RYR3: variants seen among roughly 807,000 people sequenced by gnomAD.
RYR3 encodes the protein ryanodine receptor 3.
Under a neutral mutation model 584.3 loss-of-function variants are expected in RYR3, and 207 were observed. The observed-to-expected ratio is 0.35, with a 90% confidence interval of 0.32 to 0.40. The LOEUF (loss-of-function observed/expected upper bound fraction) is 0.40. Ranked by LOEUF, RYR3 falls within the 10% of genes least tolerant of loss-of-function variation. RYR3 has a pLI of 1.00. For missense variants in RYR3, 5,616 were observed against 6,089.2 expected (o/e 0.92, Z 2.59); for synonymous variants, 2,416 against 2,248.5 (o/e 1.07, Z -2.11).
chr15:33,648,385 A>G (rs1595966907), intron 30 of RYR3, among the ~76,000 whole-genome samples: 2 of 152,324 alleles, frequency 1.3e-5, no homozygotes, highest in East Asian at 1.9e-4. Flanking sequence ...GAATCTGCTC[A>G]GTTTCATAAG....
rs182429820 is a variant in RYR3, at chr15:33,624,026, A to G, written c.2574+3A>G. ...CATGCCCCGTAGACACCAGTCAGGT[A>G]GGTTCAAATTGCCCGCAGAAGGCAA... On this transcript the variant is annotated splice_donor_region_variant and intron_variant, in intron 20 of 103. Transcript: ENST00000634891. 3 of 1,610,376 alleles carry G rather than the reference A, an allele frequency of 1.9e-6. No homozygotes were observed. Among genetic ancestry groups the G allele is most frequent in the African/African-American group, 1.3e-5 (1 of 74,818 alleles).
intron 1 of RYR3, among the ~76,000 whole-genome samples, chr15:33,389,864 C>G (rs894198098): frequency 1.3e-5 from 2 of 152,186 alleles, no homozygotes; most frequent in Non-Finnish European, 2.9e-5. Context: ...GCAGCTATTT[C>G]ACCTTTCAGT....
chr15:33,819,136 C>T (rs989505452), intron 76 of RYR3, among the ~76,000 whole-genome samples: 2 of 151,870 alleles, frequency 1.3e-5, no homozygotes, highest in African/African-American at 4.8e-5. Flanking sequence ...GAAAAAAAGA[C>T]ATGTCTAGGG....
chr15:33,838,893 G>C lies in RYR3; in HGVS notation c.12913G>C (p.Glu4305Gln), dbSNP rs1481282194. The C allele has an allele frequency of 3.1e-6, 5 of 1,613,962 alleles. No homozygotes were observed. Among genetic ancestry groups the C allele is most frequent in the Non-Finnish European group, 4.2e-6 (5 of 1,179,868 alleles). Reference sequence around the variant, plus strand: ...TGAAGTGGGTTTGGGTGACCTCTCAGAAATTATTGGCAAGGATGAACCCCC... The same window carrying C: ...TGAAGTGGGTTTGGGTGACCTCTCACAAATTATTGGCAAGGATGAACCCCC... ...GPEVGLGDLS[E>Q]IIGKDEPPTL... is the part of the protein sequence containing the mutation. Residue 4305 changes from glutamate (E) to glutamine (Q), a missense_variant, in exon 89 of 104, where the codon GAA (glutamate) becomes CAA (glutamine). Glu to Gln is a conservative substitution (Grantham distance 29). This residue lies in a region of RYR3 where 918 missense variants were observed against 887.4 expected (regional missense o/e 1.03). Transcript: ENST00000634891.
At chr15:33,753,668 C>A (rs1489839545) in intron 57 of RYR3, among the ~76,000 whole-genome samples, 1 of 152,064 alleles carries the variant, frequency 6.6e-6, no homozygotes, top group Non-Finnish European at 1.5e-5. Flanking sequence ...AAAATCTGTA[C>A]AAACATTTCT....
intron 16 of RYR3, among the ~76,000 whole-genome samples, chr15:33,589,839 G>A (rs1404247679): frequency 6.6e-6 from 1 of 152,168 alleles, no homozygotes; most frequent in Non-Finnish European, 1.5e-5. Flanking sequence ...TTTTATACCA[G>A]TACCATGCTA....
chr15:33,622,231 G>A (rs778316353), intron 19 of RYR3, among the ~76,000 whole-genome samples: 3 of 152,166 alleles, frequency 2.0e-5, no homozygotes, highest in African/African-American at 4.8e-5. Context: ...CATAGACCCT[G>A]CCTGATACAG....
intron 38 of RYR3, among the ~76,000 whole-genome samples, chr15:33,684,258 G>A (rs1255439398): frequency 2.0e-5 from 3 of 152,174 alleles, no homozygotes; most frequent in African/African-American, 7.2e-5. Flanking sequence ...CCTCATATAG[G>A]CAGGGTGCCC....
intron 85 of RYR3, among the ~76,000 whole-genome samples, chr15:33,827,977 A>G (rs2077467673): frequency 6.6e-6 from 1 of 152,184 alleles, no homozygotes; most frequent in Non-Finnish European, 1.5e-5. Context: ...TGTTTTACAA[A>G]TCGAAGGTTT....
intron 38 of RYR3, among the ~76,000 whole-genome samples, chr15:33,686,438 C>A (rs2065015039): frequency 6.6e-6 from 1 of 152,128 alleles, no homozygotes; most frequent in Non-Finnish European, 1.5e-5. Flanking sequence ...TAATTAATAG[C>A]CTACCAACCA....
chr15:33,805,613 G>T (rs996437575), intron 69 of RYR3, among the ~76,000 whole-genome samples: 1 of 151,872 alleles, frequency 6.6e-6, no homozygotes, highest in Non-Finnish European at 1.5e-5. Flanking sequence ...AAGTAGCTGG[G>T]ACTACAGGTG....
intron 3 of RYR3, among the ~76,000 whole-genome samples, chr15:33,518,237 TC>T (rs2053683534): frequency 6.6e-6 from 1 of 152,232 alleles, no homozygotes; most frequent in Non-Finnish European, 1.5e-5. Context: ...CAGTGGTCTG[TC>T]TCAGTGGAAA....
At chr15:33,667,230 T>A (rs1254845983) in intron 36 of RYR3, among the ~76,000 whole-genome samples, 1 of 152,226 alleles carries the variant, frequency 6.6e-6, no homozygotes, top group African/African-American at 2.4e-5. Flanking sequence ...AAAAGGAGTT[T>A]GGGTTATCCT....
rs1227011529 is a variant in RYR3 at position 33,390,316 on chromosome 15, C to T, written c.51+79220C>T. Among the ~76,000 whole-genome samples the T allele has an allele frequency of 6.6e-6, 1 of 152,300 alleles. No individual in the cohort carries two copies. The highest frequency in any genetic ancestry group is 1.9e-4 in the East Asian group (1 of 5,184). Reference sequence around the variant, plus strand: ...GTTCTTTTAGCTGGGCCCACATGGGCCTCAGTACCAGTATACCTGGGGGTC... The same window carrying T: ...GTTCTTTTAGCTGGGCCCACATGGGTCTCAGTACCAGTATACCTGGGGGTC... On this transcript the variant is annotated intron_variant, in intron 1 of 103. Coordinates refer to ENST00000634891, the MANE Select transcript of RYR3 (RefSeq NM_001036.6). This position sits in a 1 kb window ranked among gnomAD's most constrained non-coding sequence, Gnocchi z 4.2.
At position 33,662,945 on chromosome 15, in the gene RYR3, G is replaced by T. The variant is rs369794548; in HGVS notation, c.5415G>T (p.Leu1805=). Residue 1805 remains leucine (L), a synonymous_variant, in exon 35 of 104, where the codon CTG becomes CTT. Transcript: ENST00000634891. The part of the protein sequence containing the change: ...LQTRLPESVK[L]QMCELLSYLC... ...CTCGATTACCCGAATCCGTCAAGCT[G>T]CAGGTAAGCTGCAGGTGGTTAAGTG... 15 of 1,610,950 alleles carry T rather than the reference G, an allele frequency of 9.3e-6. No homozygotes were observed. The highest frequency in any genetic ancestry group is 1.7e-5 in the Admixed American group (1 of 59,972).
At position 33,351,086 on chromosome 15, in the gene RYR3, C is replaced by T. The variant is rs963353772; in HGVS notation, c.51+39990C>T. 8.4e-3 allele frequency among the ~76,000 whole-genome samples: 1,279 copies of T among 152,102 alleles called. 20 individuals carry two copies. The highest frequency in any genetic ancestry group is 0.029 in the African/African-American group (1,208 of 41,478). ...AAAATGATAAAGGGGATCTCACCACCGATCCCACAGAAATACAAACTACCA... is the reference window on the plus strand; with the variant it reads ...AAAATGATAAAGGGGATCTCACCACTGATCCCACAGAAATACAAACTACCA... On this transcript the variant is annotated intron_variant, in intron 1 of 103. Coordinates refer to ENST00000634891, the MANE Select transcript of RYR3 (RefSeq NM_001036.6).
chr15:33,486,917 C>A (rs1414317341), intron 2 of RYR3, among the ~76,000 whole-genome samples: 1 of 152,040 alleles, frequency 6.6e-6, no homozygotes, highest in Non-Finnish European at 1.5e-5. Context: ...GGATGGATGG[C>A]TGGGCGCAGT....
chr15:33,722,501 A>T, intron 43 of RYR3: 1 of 560,568 alleles, frequency 1.8e-6, no homozygotes, highest in Non-Finnish European at 3.1e-6. Context: ...AGGCTGGTTC[A>T]AGTGCAGTGA....
chr15:33,503,225 A>C (rs1451274370), intron 2 of RYR3, among the ~76,000 whole-genome samples: 1 of 152,144 alleles, frequency 6.6e-6, no homozygotes, highest in Non-Finnish European at 1.5e-5. Flanking sequence ...TACTGTCTAG[A>C]GCCACATTAT....
Sources: gnomAD v4.1 joint callset for allele counts (sites outside exome capture counted in the v4.1 genomes callset) on GRCh38, gnomAD v4.1.1 for gene constraint, gnomAD v4.1.1 regional missense constraint, Gnocchi (gnomAD v3.1) non-coding constraint, MANE v1.5 for transcripts, NCBI Gene and HGNC (gene_info 2026-07-23, HGNC 2026-07-21) for gene names.